The following PRKCA variants were observed in gnomAD, a reference collection of about 807,000 sequenced individuals.
The protein encoded by PRKCA is protein kinase C alpha.
PRKCA carries 27 observed loss-of-function variants against 87.0 expected under a neutral mutation model. The observed-to-expected ratio is 0.31, with a 90% CI of 0.23 to 0.43. PRKCA has a LOEUF of 0.43. PRKCA is among the 20% of genes least tolerant of loss of function. PRKCA has a pLI of 1.00. For missense variants in PRKCA, 518 were observed against 852.3 expected (o/e 0.61, Z 4.88); for synonymous variants, 329 against 311.1 (o/e 1.06, Z -0.61).
intron 2 of PRKCA, among the ~76,000 whole-genome samples, chr17:66,411,035 G>T (rs1046642042): frequency 1.8e-4 from 28 of 152,114 alleles, no homozygotes; most frequent in African/African-American, 6.8e-4. Context: ...TTCCATGTTT[G>T]ATAATTGTAT....
At chr17:66,457,817 C>T (rs1236884669) in intron 2 of PRKCA, among the ~76,000 whole-genome samples, 1 of 152,158 alleles carries the variant, frequency 6.6e-6, no homozygotes, top group Non-Finnish European at 1.5e-5. Context: ...AATTAAACCT[C>T]TTCTTTTATA....
intron 2 of PRKCA, among the ~76,000 whole-genome samples, chr17:66,372,650 A>G (rs1909184179): frequency 6.6e-6 from 1 of 152,148 alleles, no homozygotes; most frequent in Non-Finnish European, 1.5e-5. Flanking sequence ...CTTTTTCAGC[A>G]GTTTTCTCTG....
chr17:66,798,426 TGGTGGTGACGGTGGTGGTGGTGGTGAC>T (rs1975733283), intron 16 of PRKCA, among the ~76,000 whole-genome samples: 3 of 136,464 alleles, frequency 2.2e-5, no homozygotes, highest in Non-Finnish European at 3.1e-5. Flanking sequence ...GTGGTGGTGG[TGGTGGTGACGGTGGTGGTGGTGGTGAC>T]GGTGGTGGTG....
chr17:66,341,687 G>A (rs1907052755), intron 2 of PRKCA, among the ~76,000 whole-genome samples: 1 of 152,198 alleles, frequency 6.6e-6, no homozygotes, highest in African/African-American at 2.4e-5. Context: ...CTAGGTACTT[G>A]ACCATGCAGG....
chr17:66,346,096 CT>C lies in PRKCA; in HGVS notation c.205+39984del, dbSNP rs1166100613. Among the ~76,000 whole-genome samples, 572 of 133,192 alleles carry C rather than the reference CT, an allele frequency of 4.3e-3. 1 individual carries two copies. Among genetic ancestry groups the C allele is most frequent in the African/African-American group, 9.1e-3 (320 of 35,048 alleles). 87.4% of individuals were successfully genotyped at this position (133,192 alleles called of 152,430 possible). ...TAAGCTATTGCGTTATCTTTTTTTGCTTTTTTTTTTTTTTTGAGATGGAGTT... is the reference window on the plus strand; with the variant it reads ...TAAGCTATTGCGTTATCTTTTTTTGCTTTTTTTTTTTTTTGAGATGGAGTT... On this transcript the variant is annotated intron_variant, in intron 2 of 16. Transcript: ENST00000413366.
chr17:66,781,883 A>G (rs1461469116), intron 14 of PRKCA, among the ~76,000 whole-genome samples: 83 of 129,350 alleles, frequency 6.4e-4, no homozygotes, highest in Admixed American at 3.5e-3. Context: ...ATATATATAT[A>G]TATAGTGTGT....
chr17:66,692,102 C>T lies in PRKCA; in HGVS notation c.918+3055C>T, dbSNP rs112801162. On this transcript the variant is annotated intron_variant, in intron 8 of 16. Coordinates refer to ENST00000413366, the MANE Select transcript of PRKCA (RefSeq NM_002737.3). ...GGGAGGGCTGTGGACTTGGCAGGAG[C>T]GCCAGCCCAAGGCTGTGAGCATCCT... Among the ~76,000 whole-genome samples, 4 of 152,302 alleles carry T rather than the reference C, an allele frequency of 2.6e-5. No individual in the cohort carries two copies. The South Asian group carries it at 6.2e-4, about 24-fold the overall frequency.
At chr17:66,746,688 G>C (rs1218765095) in intron 13 of PRKCA, among the ~76,000 whole-genome samples, 1 of 152,148 alleles carries the variant, frequency 6.6e-6, no homozygotes, top group Non-Finnish European at 1.5e-5. Context: ...GTCACTAACA[G>C]ATGAGAGTTT....
chr17:66,415,709 C>T (rs369248154), intron 2 of PRKCA: 1 of 152,070 alleles, frequency 6.6e-6, no homozygotes, highest in African/African-American at 2.4e-5. Context: ...TCGAAGTGCC[C>T]TGGGGTCTGT....
intron 2 of PRKCA, among the ~76,000 whole-genome samples, chr17:66,483,500 C>T (rs535265230): frequency 3.2e-5 from 4 of 126,502 alleles, no homozygotes; most frequent in Admixed American, 2.5e-4. Context: ...GAGTCTCTGT[C>T]GCCCAGGCTG....
intron 3 of PRKCA, among the ~76,000 whole-genome samples, chr17:66,639,609 A>C (rs560845693): frequency 6.6e-6 from 1 of 152,020 alleles, no homozygotes; most frequent in East Asian, 2.0e-4. Context: ...GCTGGTCTCA[A>C]ACTCCTGATC....
At chr17:66,714,775 C>T (rs901541801) in intron 8 of PRKCA, among the ~76,000 whole-genome samples, 35 of 152,146 alleles carry the variant, frequency 2.3e-4, no homozygotes, top group South Asian at 6.2e-4. Flanking sequence ...TGTCCCAGAC[C>T]GCTGCTGGCA....
At chr17:66,320,082 CCTT>C (rs1905564179) in intron 2 of PRKCA, among the ~76,000 whole-genome samples, 2 of 152,116 alleles carry the variant, frequency 1.3e-5, no homozygotes. Flanking sequence ...CCTTTGTTGA[CCTT>C]CTTGGTGAAT....
intron 11 of PRKCA, among the ~76,000 whole-genome samples, chr17:66,740,527 G>A (rs1974137043): frequency 6.6e-6 from 1 of 152,180 alleles, no homozygotes; most frequent in South Asian, 2.1e-4. Flanking sequence ...CCCTAGGGAA[G>A]ATTAACTGAA....
At chr17:66,368,921 T>A (rs1908926885) in intron 2 of PRKCA, among the ~76,000 whole-genome samples, 1 of 152,182 alleles carries the variant, frequency 6.6e-6, no homozygotes, top group African/African-American at 2.4e-5. Flanking sequence ...AGGAGACATC[T>A]CAACCTCTCT....
chr17:66,732,117 G>GAA (rs145066046), intron 8 of PRKCA, among the ~76,000 whole-genome samples: 10 of 125,128 alleles, frequency 8.0e-5, no homozygotes, highest in African/African-American at 1.7e-4. Context: ...TGATTTAAAA[G>GAA]AAAAAAAAAA....
At chr17:66,626,007 A>G (rs1419291195) in intron 3 of PRKCA, among the ~76,000 whole-genome samples, 1 of 152,198 alleles carries the variant, frequency 6.6e-6, no homozygotes, top group Non-Finnish European at 1.5e-5. Context: ...CCCCACCACC[A>G]CCACTCTGCC....
chr17:66,324,082 A>T (rs982534322), intron 2 of PRKCA, among the ~76,000 whole-genome samples: 10 of 151,858 alleles, frequency 6.6e-5, no homozygotes, highest in African/African-American at 2.2e-4. Flanking sequence ...ATTTTTGTGC[A>T]CTGGAACATC....
chr17:66,752,321 G>T (rs9902494), intron 13 of PRKCA, among the ~76,000 whole-genome samples: 1 of 152,192 alleles, frequency 6.6e-6, no homozygotes, highest in Non-Finnish European at 1.5e-5. Flanking sequence ...TGGGCTGGGC[G>T]TGGTGGCTCA....
Sources: allele counts gnomAD v4.1 joint callset (sites outside exome capture counted in the v4.1 genomes callset), GRCh38; gene constraint gnomAD v4.1.1; transcripts MANE v1.5; gene names NCBI Gene and HGNC (gene_info 2026-07-23, HGNC 2026-07-21).